TUT4: variants seen among roughly 807,000 people sequenced by gnomAD.
TUT4 encodes the protein terminal uridylyltransferase 4.
TUT4 carries 36 observed loss-of-function variants against 192.2 expected under a neutral mutation model. The ratio of observed to expected loss-of-function variants is 0.19; its 90% CI spans 0.14 to 0.25. The LOEUF (loss-of-function observed/expected upper bound fraction) is 0.25. Among genes scored for constraint, TUT4 ranks in the 10% least tolerant of loss-of-function variants. The pLI is 1.00. For synonymous variants in TUT4, 618 were observed against 666.0 expected (o/e 0.93, Z 1.11); for missense variants, 1,493 against 1,957.2 (o/e 0.76, Z 4.47).
intron 28 of TUT4, among the ~76,000 whole-genome samples, chr1:52,428,360 C>T (rs1421127059): frequency 6.6e-6 from 1 of 151,994 alleles, no homozygotes; most frequent in African/African-American, 2.4e-5. Flanking sequence ...GGCGCGGTGG[C>T]TCACACCTGT....
In TUT4 at chr1:52,459,367, T is replaced by C. The variant is rs142073358; in HGVS notation, c.3322-918A>G. Among the ~76,000 whole-genome samples, 768 of 151,634 alleles carry C rather than the reference T, an allele frequency of 5.1e-3. 8 individuals are homozygous for C. Among genetic ancestry groups the C allele is most frequent in the African/African-American group, 0.017 (711 of 41,300 alleles). On this transcript the variant is annotated intron_variant, in intron 19 of 29. Transcript: ENST00000257177. ...ACTTCGAAAGGCTGAGGAGGGTGGA[T>C]TGCTTGAGCCCAAGAGTTCAAGACC... is the stretch of plus-strand genomic sequence containing the variant.
rs114498228 is a variant in TUT4 at position 52,495,584 on chromosome 1, C to T, written c.1178-69G>A. ...TATGAGAGATGTAAAAAAACAGCGA[C>T]GGGAAAATTTCACACACTTCAGTTC... On this transcript the variant is annotated intron_variant, in intron 5 of 29. Transcript: ENST00000257177. 1.9e-3 allele frequency: 2,279 copies of T among 1,217,536 alleles called. 35 individuals are homozygous for T. In the African/African-American group the frequency reaches 0.03, roughly 16 times the overall value. The allele number at this position is 1,217,536 out of a possible 1,614,324, so 75.4% of individuals were successfully genotyped here. A position where few individuals can be genotyped will look rare whatever the true frequency, so the allele number is the denominator to read the frequency against.
chr1:52,466,639 C>T (rs1370156925), intron 15 of TUT4, among the ~76,000 whole-genome samples: 3 of 121,274 alleles, frequency 2.5e-5, no homozygotes, highest in East Asian at 4.4e-4. Context: ...GAGTAATATC[C>T]TATTTCAAAA....
At chr1:52,437,178 A>G (rs1342612576) in intron 25 of TUT4, 200 bp from the exon 26 acceptor site, 2 of 580,196 alleles carry the variant, frequency 3.4e-6, no homozygotes, top group South Asian at 3.5e-5. Flanking sequence ...AAACAATATT[A>G]TATTAAATTT....
chr1:52,487,674 G>A (rs1361229882), intron 9 of TUT4, among the ~76,000 whole-genome samples: 1 of 152,082 alleles, frequency 6.6e-6, no homozygotes, highest in Non-Finnish European at 1.5e-5. Context: ...AGGGCAAGGT[G>A]GGAGGACTGC....
At position 52,423,298 on chromosome 1, in the gene TUT4, A is replaced by G. The variant is rs1648721256; in HGVS notation, c.*637T>C. On this transcript the variant is annotated 3_prime_UTR_variant, in exon 30 of 30. Transcript: ENST00000257177. ...AATTTAACTCTTGTCAAAAAGATTTATTAACTTAAAATAGAAGTACTTCAA... is the reference window on the plus strand; with the variant it reads ...AATTTAACTCTTGTCAAAAAGATTTGTTAACTTAAAATAGAAGTACTTCAA... The G allele has an allele frequency of 6.5e-6, 1 of 152,838 alleles. No homozygotes were observed. The highest frequency in any genetic ancestry group is 1.5e-5 in the Non-Finnish European group (1 of 68,168). The allele number at this position is 152,838 out of a possible 1,614,324, so 9.5% of individuals were successfully genotyped here. A position where few individuals can be genotyped will look rare whatever the true frequency, so the allele number is the denominator to read the frequency against.
intron 28 of TUT4, among the ~76,000 whole-genome samples, chr1:52,430,545 A>T (rs1279403271): frequency 6.6e-6 from 1 of 152,204 alleles, no homozygotes; most frequent in East Asian, 1.9e-4. Flanking sequence ...CGCCTCCCAA[A>T]GTGCTGGGAT....
intron 11 of TUT4, 60 bp from the exon 12 acceptor site, chr1:52,477,942 TTCAG>T: frequency 2.1e-6 from 3 of 1,443,656 alleles, no homozygotes; most frequent in Non-Finnish European, 2.8e-6. Flanking sequence ...TCAACAAATT[TTCAG>T]TTAGAGAAGA....
chr1:52,506,556 T>G (rs936229628), intron 4 of TUT4, among the ~76,000 whole-genome samples: 11 of 152,206 alleles, frequency 7.2e-5, no homozygotes, highest in Admixed American at 2.0e-4. Context: ...TCTTCAAGAG[T>G]TCACTAACCT....
chr1:52,549,111 A>C (rs1688775433), intron 1 of TUT4, among the ~76,000 whole-genome samples: 1 of 152,194 alleles, frequency 6.6e-6, no homozygotes, highest in African/African-American at 2.4e-5. Flanking sequence ...ACGGAAAAGA[A>C]GGCTTGCCTA....
In TUT4 at chr1:52,531,885, C is replaced by CTTT. The variant is rs1158088077; in HGVS notation, c.-93-5515_-93-5513dup. On this transcript the variant is annotated intron_variant, in intron 1 of 29. Coordinates refer to ENST00000257177, the MANE Select transcript of TUT4 (RefSeq NM_001009881.3). ...AACAGTAGAGACTGTCTTTTCTCAT[C>CTTT]TTTTTTTTTTTTTTTTTTTTTTTTT... 2.0e-3 allele frequency among the ~76,000 whole-genome samples: 162 copies of CTTT among 80,830 alleles called. 20 individuals are homozygous for CTTT. The highest frequency in any genetic ancestry group is 6.3e-3 in the African/African-American group (109 of 17,174). The allele number at this position is 80,830 out of a possible 152,430, so 53.0% of individuals were successfully genotyped here. A position where few individuals can be genotyped will look rare whatever the true frequency, so the allele number is the denominator to read the frequency against.
intron 20 of TUT4, among the ~76,000 whole-genome samples, chr1:52,457,873 T>C (rs1029185229): frequency 1.3e-5 from 2 of 152,212 alleles, no homozygotes; most frequent in African/African-American, 4.8e-5. Flanking sequence ...TCAGAAGAGA[T>C]AAGGAAGAGT....
chr1:52,456,237 T>C (rs1202588807), intron 20 of TUT4, among the ~76,000 whole-genome samples: 1 of 151,378 alleles, frequency 6.6e-6, no homozygotes. Flanking sequence ...AACCCCACTC[T>C]ACTAAAAATA....
At chr1:52,452,718 T>G (rs1226574807) in intron 20 of TUT4, among the ~76,000 whole-genome samples, 1 of 152,248 alleles carries the variant, frequency 6.6e-6, no homozygotes, top group African/African-American at 2.4e-5. Context: ...TATGTATTTC[T>G]TCATTTATAT....
At chr1:52,490,608 T>C in intron 8 of TUT4, 124 bp downstream of exon 8, 1 of 647,020 alleles carries the variant, frequency 1.5e-6, no homozygotes, top group Non-Finnish European at 2.5e-6. Flanking sequence ...GAATAGAAAC[T>C]AGCTTAGTCA....
In TUT4 at chr1:52,431,024, A is replaced by G; in HGVS notation, c.4700T>C (p.Val1567Ala). 1.9e-6 allele frequency: 3 copies of G among 1,582,002 alleles called. No individual in the cohort carries two copies. The highest frequency in any genetic ancestry group is 2.6e-6 in the Non-Finnish European group (3 of 1,158,206). Reference sequence around the variant, plus strand: ...AAAGGAAAGGTTACCTGAATTCCCCACTGCACCACTGTTTACCAGGGAATT... The same window carrying G: ...AAAGGAAAGGTTACCTGAATTCCCCGCTGCACCACTGTTTACCAGGGAATT... ...APNSLVNSGA[V>A]GNSEPGFRGL... Residue 1567 changes from valine to alanine, a missense_variant, in exon 28 of 30, where the codon GTG becomes GCG. Physicochemically the swap from Val to Ala is moderately conservative, Grantham distance 64. Transcript: ENST00000257177.
chr1:52,530,219 A>C (rs967080970), intron 1 of TUT4, among the ~76,000 whole-genome samples: 1 of 147,164 alleles, frequency 6.8e-6, no homozygotes, highest in African/African-American at 2.5e-5. Context: ...AGACCACGCC[A>C]TTGCACTCCA....
chr1:52,475,155 T>C lies in TUT4; in HGVS notation c.2404A>G (p.Thr802Ala). 5 of 1,614,192 alleles carry C rather than the reference T, an allele frequency of 3.1e-6. No homozygotes were observed. The highest frequency in any genetic ancestry group is 4.2e-6 in the Non-Finnish European group (5 of 1,180,024). Residue 802 changes from threonine (T) to alanine (A), a missense_variant, in exon 13 of 30, where the codon ACC becomes GCC. Physicochemically the swap from Thr to Ala is moderately conservative, Grantham distance 58. Coordinates refer to ENST00000257177, the MANE Select transcript of TUT4 (RefSeq NM_001009881.3). ...GGCTCTATTTCACTGCTTTTGCTGG[T>C]AGAAAGAGATGAAGAGTCCTGTCCG... is the stretch of plus-strand genomic sequence containing the variant. ...DHGQDSSSLS[T>A]SKSSEIEPKL...
chr1:52,430,307 C>T (rs181449634), intron 28 of TUT4, among the ~76,000 whole-genome samples: 6 of 152,048 alleles, frequency 3.9e-5, no homozygotes, highest in African/African-American at 1.2e-4. Context: ...TTGTTTGAGA[C>T]AGTTCTGCTC....
Sources: gnomAD v4.1 joint callset for allele counts (sites outside exome capture counted in the v4.1 genomes callset) on GRCh38, gnomAD v4.1.1 for gene constraint, MANE v1.5 for transcripts, NCBI Gene and HGNC (gene_info 2026-07-23, HGNC 2026-07-21) for gene names.